Variants in BCL11A observed in about 807,000 individuals in gnomAD.
BCL11A encodes the protein B cell CLL/lymphoma 11A.
Under a neutral mutation model 55.9 loss-of-function variants are expected in BCL11A, and 2 were observed. That is an observed-to-expected ratio of 0.04 (90% CI 0.01 to 0.11). The LOEUF is 0.11. BCL11A is among the 10% of genes least tolerant of loss of function. The probability of loss-of-function intolerance (pLI) is 1.00; values close to 1 mark genes in which losing one functional copy is unlikely to be tolerated. For missense variants in BCL11A, 817 were observed against 1,137.1 expected, an observed-to-expected ratio of 0.72 and a Z score of 4.05; for synonymous variants, 465 against 473.4, an observed-to-expected ratio of 0.98 and a Z score of 0.23.
intron 2 of BCL11A, among the ~76,000 whole-genome samples, chr2:60,485,767 C>T (rs929170122): frequency 2.6e-5 from 4 of 152,292 alleles, no homozygotes; most frequent in East Asian, 3.9e-4. Flanking sequence ...TTGTGAACTA[C>T]GGGCTGAGCT....
chr2:60,501,902 C>A (rs886226768), intron 2 of BCL11A, among the ~76,000 whole-genome samples: 4 of 152,150 alleles, frequency 2.6e-5, no homozygotes, highest in Non-Finnish European at 5.9e-5. Flanking sequence ...ATATCAGCCC[C>A]TCTGCCTCTC....
intron 2 of BCL11A, chr2:60,534,562 A>G (rs1386999224): frequency 3.9e-5 from 6 of 152,246 alleles, no homozygotes. Flanking sequence ...AAGTGCCTCA[A>G]TCATATACTT....
chr2:60,551,885 C>A (rs547642747), intron 1 of BCL11A, among the ~76,000 whole-genome samples: 8 of 151,726 alleles, frequency 5.3e-5, no homozygotes, highest in African/African-American at 1.9e-4. Flanking sequence ...GCTGCCGCGC[C>A]GCGCTCGGTC....
At chr2:60,502,815 C>G (rs933511479) in intron 2 of BCL11A, among the ~76,000 whole-genome samples, 8 of 152,148 alleles carry the variant, frequency 5.3e-5, no homozygotes, top group African/African-American at 1.9e-4. Flanking sequence ...TCCTGTCACC[C>G]AGAAACTATG....
At chr2:60,488,749 T>C (rs1269779028) in intron 2 of BCL11A, among the ~76,000 whole-genome samples, 1 of 152,094 alleles carries the variant, frequency 6.6e-6, no homozygotes, top group African/African-American at 2.4e-5. Flanking sequence ...TGTTTGTTTG[T>C]TTGTTTGTTT....
chr2:60,451,834 G>A (rs1675734570), exon 5 of BCL11A: 1 of 229,684 alleles, frequency 4.4e-6, no homozygotes, highest in Non-Finnish European at 8.6e-6. Flanking sequence ...GCCATATTAT[G>A]CATTATTTAA....
chr2:60,502,359 A>G, intron 2 of BCL11A, among the ~76,000 whole-genome samples: 1 of 152,238 alleles, frequency 6.6e-6, no homozygotes. Flanking sequence ...TTCTGTGAGC[A>G]AACGGAAAAA....
intron 2 of BCL11A, among the ~76,000 whole-genome samples, chr2:60,481,636 ATTTT>A (rs1373262912): frequency 6.6e-6 from 1 of 151,932 alleles, no homozygotes; most frequent in Admixed American, 6.6e-5. Flanking sequence ...TGGCTCGTGA[ATTTT>A]TTTGTCTTGT....
chr2:60,475,301 T>C (rs530254569), intron 2 of BCL11A, among the ~76,000 whole-genome samples: 1 of 152,320 alleles, frequency 6.6e-6, no homozygotes, highest in African/African-American at 2.4e-5. Context: ...GACACAACCA[T>C]GTGGACTCTT....
chr2:60,553,659 A>G, upstream of BCL11A: 1 of 276,298 alleles, frequency 3.6e-6, no homozygotes, highest in Non-Finnish European at 6.6e-6. Flanking sequence ...AGAGACACAC[A>G]AAACATGGGC....
chr2:60,454,581 C>T (rs1464385161), downstream of BCL11A, among the ~76,000 whole-genome samples: 1 of 152,104 alleles, frequency 6.6e-6, no homozygotes, highest in African/African-American at 2.4e-5. Flanking sequence ...AAGTCATGTT[C>T]ATGTGTGTAC....
intron 2 of BCL11A, among the ~76,000 whole-genome samples, chr2:60,520,086 T>C (rs1044634556): frequency 3.9e-5 from 6 of 152,246 alleles, no homozygotes; most frequent in Non-Finnish European, 1.5e-5. Context: ...TATAGTATTA[T>C]GGCTTCTTTT....
Position 60,460,350 on chromosome 2 carries a change from A to C in BCL11A, c.*54T>G. The C allele has an allele frequency of 1.3e-6, 2 of 1,543,322 alleles. No homozygotes were observed. The highest frequency in any genetic ancestry group is 1.8e-6 in the Non-Finnish European group (2 of 1,139,394). On this transcript the variant is annotated 3_prime_UTR_variant, in exon 4 of 4. Coordinates refer to ENST00000642384, the MANE Select transcript of BCL11A (RefSeq NM_022893.4). ...GGGCTGGAGGGCGATGGGGAAGGGG[A>C]GTGGTGAAAAAGGGGGTGTCAGGTG... is the stretch of plus-strand genomic sequence containing the variant.
intron 2 of BCL11A, among the ~76,000 whole-genome samples, chr2:60,519,929 G>C (rs1367031107): frequency 1.3e-5 from 2 of 152,278 alleles, no homozygotes; most frequent in East Asian, 3.9e-4. Context: ...CTCTAGACTT[G>C]GAGTGTTAAA....
At chr2:60,508,256 A>G (rs1375737369) in intron 2 of BCL11A, among the ~76,000 whole-genome samples, 1 of 152,168 alleles carries the variant, frequency 6.6e-6, no homozygotes, top group Non-Finnish European at 1.5e-5. Flanking sequence ...AACTAGGAGG[A>G]AGCTCAAACT....
intron 3 of BCL11A, among the ~76,000 whole-genome samples, chr2:60,465,929 G>C (rs955419636): frequency 6.6e-6 from 1 of 152,198 alleles, no homozygotes; most frequent in Non-Finnish European, 1.5e-5. Context: ...TCTAGTTAAA[G>C]AGCAGGGGTG....
chr2:60,544,695 G>C (rs539634862), intron 2 of BCL11A: 42 of 152,266 alleles, frequency 2.8e-4, no homozygotes, highest in African/African-American at 1.0e-3. Flanking sequence ...AAGTTCCAGT[G>C]AATCAATTCA....
rs1292395178 is a variant in BCL11A, at chr2:60,507,296, G to A, written c.386-38463C>T. ...GGGGAGGGGAGGGGAGGGGAGGGGA[G>A]GGGAGGGGAGGGGAGGGGAGGGGAA... On this transcript the variant is annotated intron_variant, in intron 2 of 3. Coordinates refer to ENST00000642384, the MANE Select transcript of BCL11A (RefSeq NM_022893.4). Among the ~76,000 whole-genome samples, 3 of 1,082 alleles carry A rather than the reference G, an allele frequency of 2.8e-3. 1 individual carries two copies. The highest frequency in any genetic ancestry group is 0.019 in the African/African-American group (3 of 160). 0.7% of individuals were successfully genotyped at this position (1,082 alleles called of 152,430 possible). A position where few individuals can be genotyped will look rare whatever the true frequency, so the allele number is the denominator to read the frequency against.
At chr2:60,452,281 G>C (rs867751209), downstream of BCL11A, 1 of 301,686 alleles carries the variant, frequency 3.3e-6, no homozygotes, top group Middle Eastern at 9.2e-4. Flanking sequence ...AGGTTGGCTG[G>C]TTTCAGAAGG....
Sources: gnomAD v4.1 joint callset for allele counts (sites outside exome capture counted in the v4.1 genomes callset) on GRCh38, gnomAD v4.1.1 for gene constraint, MANE v1.5 for transcripts, NCBI Gene and HGNC (gene_info 2026-07-23, HGNC 2026-07-21) for gene names.